The following ME3 variants were observed in gnomAD, a reference collection of about 807,000 sequenced individuals.
ME3 encodes the protein NADP-dependent malic enzyme, mitochondrial.
ME3 carries 48 observed loss-of-function variants against 68.9 expected under a neutral mutation model. The ratio of observed to expected loss-of-function variants is 0.70; its 90% CI spans 0.55 to 0.89. ME3 has a LOEUF of 0.89. Ranked by LOEUF, ME3 falls within the 40% of genes least tolerant of loss-of-function variation. ME3 has a pLI of 0.00. For synonymous variants in ME3, 320 were observed against 318.8 expected (o/e 1.00, Z -0.04); for missense variants, 675 against 797.4 (o/e 0.85, Z 1.85).
chr11:86,621,290 A>C (rs1943332606), intron 2 of ME3, among the ~76,000 whole-genome samples: 1 of 152,248 alleles, frequency 6.6e-6, no homozygotes, highest in African/African-American at 2.4e-5. Flanking sequence ...GCCTAAGGCC[A>C]GTAAGAAAAC....
At chr11:86,576,455 C>T (rs1465828051) in intron 2 of ME3, among the ~76,000 whole-genome samples, 2 of 152,174 alleles carry the variant, frequency 1.3e-5, no homozygotes, top group Non-Finnish European at 2.9e-5. Flanking sequence ...TTCTATTCAC[C>T]CTTCCCTCCT....
chr11:86,468,083 G>A (rs1241625804), intron 7 of ME3, among the ~76,000 whole-genome samples: 1 of 152,008 alleles, frequency 6.6e-6, no homozygotes, highest in African/African-American at 2.4e-5. Context: ...ATTTCACACT[G>A]TCCCATCTCA....
chr11:86,589,864 C>T (rs1958959529), intron 2 of ME3, among the ~76,000 whole-genome samples: 2 of 152,224 alleles, frequency 1.3e-5, no homozygotes, highest in Non-Finnish European at 2.9e-5. Context: ...AGAGCTCCAA[C>T]AGCCAAGCTG....
intron 4 of ME3, among the ~76,000 whole-genome samples, chr11:86,551,186 A>T (rs1467832731): frequency 6.6e-6 from 1 of 152,162 alleles, no homozygotes; most frequent in East Asian, 1.9e-4. Flanking sequence ...CTTTAAGCTT[A>T]TGAGGAAGTT....
Position 86,633,052 on chromosome 11 carries a change from G to C in ME3, c.183+38710C>G, listed in dbSNP as rs551015195. Among the ~76,000 whole-genome samples, 5 of 152,330 alleles carry C rather than the reference G, an allele frequency of 3.3e-5. No homozygotes were observed. The East Asian group carries it at 9.7e-4, about 29-fold the overall frequency. On this transcript the variant is annotated intron_variant, in intron 2 of 14. Transcript: ENST00000543262. ...TTGAGGGTTCCCACAGAAAACTGCT[G>C]TGAGTCCGATATGCATGTCAGTAAT...
chr11:86,643,149 T>C (rs750976091), intron 2 of ME3, among the ~76,000 whole-genome samples: 4 of 152,180 alleles, frequency 2.6e-5, no homozygotes, highest in African/African-American at 2.4e-5. Context: ...ATTTCCCTCA[T>C]AGGGAATAAA....
At chr11:86,447,732 C>T (rs757906100) in intron 11 of ME3, among the ~76,000 whole-genome samples, 1 of 151,888 alleles carries the variant, frequency 6.6e-6, no homozygotes, top group Non-Finnish European at 1.5e-5. Context: ...GTGGCGGGCA[C>T]CTATAATGCC....
At chr11:86,541,985 C>G (rs1956074908) in intron 4 of ME3, among the ~76,000 whole-genome samples, 1 of 152,178 alleles carries the variant, frequency 6.6e-6, no homozygotes, top group Non-Finnish European at 1.5e-5. Flanking sequence ...TGGTCTGCAG[C>G]CTCCGCTGGT....
intron 4 of ME3, among the ~76,000 whole-genome samples, chr11:86,517,890 C>T (rs1398310916): frequency 1.3e-5 from 2 of 151,984 alleles, no homozygotes; most frequent in African/African-American, 4.8e-5. Flanking sequence ...TGGAAGGAGG[C>T]AGAGCTGGGC....
At chr11:86,616,166 A>G (rs1388789692) in intron 2 of ME3, among the ~76,000 whole-genome samples, 1 of 152,238 alleles carries the variant, frequency 6.6e-6, no homozygotes, top group Non-Finnish European at 1.5e-5. Flanking sequence ...TTTGTGTAAT[A>G]CACCGTGATA....
At chr11:86,589,177 G>A (rs921384008) in intron 2 of ME3, among the ~76,000 whole-genome samples, 1 of 152,104 alleles carries the variant, frequency 6.6e-6, no homozygotes, top group African/African-American at 2.4e-5. Context: ...GCTGCCACCT[G>A]CACAGCCCTA....
intron 14 of ME3, among the ~76,000 whole-genome samples, chr11:86,442,042 T>C (rs1949022056): frequency 1.3e-5 from 2 of 152,212 alleles, no homozygotes; most frequent in East Asian, 1.9e-4. Context: ...TGTTGTACGA[T>C]GCATTTTCTG....
At chr11:86,538,141 C>T (rs1184940177) in intron 4 of ME3, among the ~76,000 whole-genome samples, 1 of 152,138 alleles carries the variant, frequency 6.6e-6, no homozygotes, top group African/African-American at 2.4e-5. Flanking sequence ...TGTTTGCTTT[C>T]TTGTGGTTGT....
chr11:86,439,792 C>T (rs955171876), downstream of ME3, among the ~76,000 whole-genome samples: 1 of 152,142 alleles, frequency 6.6e-6, no homozygotes, highest in Non-Finnish European at 1.5e-5. Context: ...TTCTTTTCTA[C>T]TATATTGATT....
intron 4 of ME3, among the ~76,000 whole-genome samples, chr11:86,509,586 C>T (rs1953362161): frequency 6.6e-6 from 1 of 152,058 alleles, no homozygotes; most frequent in Admixed American, 6.6e-5. Context: ...AACAGGAGGC[C>T]AAAGTCTTAA....
chr11:86,568,991 T>C (rs1369744882), intron 2 of ME3, among the ~76,000 whole-genome samples: 3 of 152,246 alleles, frequency 2.0e-5, no homozygotes, highest in South Asian at 2.1e-4. Flanking sequence ...CTCCCACTTA[T>C]TAAATGAAGT....
intron 2 of ME3, among the ~76,000 whole-genome samples, chr11:86,584,949 C>G (rs937542930): frequency 6.6e-6 from 1 of 152,116 alleles, no homozygotes; most frequent in Non-Finnish European, 1.5e-5. Flanking sequence ...GGCAAATGTT[C>G]TCACCACAGT....
At chr11:86,672,067 AG>A (rs919389680) in intron 1 of ME3, 109 bp from the exon 2 acceptor site, 1 of 897,298 alleles carries the variant, frequency 1.1e-6, no homozygotes, top group Non-Finnish European at 1.5e-6. Flanking sequence ...GGGAGAGGGC[AG>A]GTGCTCCCAA....
rs5793205 is a variant in ME3, at chr11:86,637,967, T to TACACACACACACACACACACAC, written c.183+33773_183+33794dup. On this transcript the variant is annotated intron_variant, in intron 2 of 14. Transcript: ENST00000543262. ...ATATATGTGCAGACATGCTCATGCATACACACACACACACACACACACACA... is the reference window on the plus strand; with the variant it reads ...ATATATGTGCAGACATGCTCATGCATACACACACACACACACACACACACACACACACACACACACACACACA... Among the ~76,000 whole-genome samples, 54 of 145,158 alleles carry TACACACACACACACACACACAC rather than the reference T, an allele frequency of 3.7e-4. 1 individual carries two copies. The highest frequency in any genetic ancestry group is 1.4e-3 in the African/African-American group (54 of 38,446).
Sources: gnomAD v4.1 joint callset for allele counts (sites outside exome capture counted in the v4.1 genomes callset) on GRCh38, gnomAD v4.1.1 for gene constraint, MANE v1.5 for transcripts, NCBI Gene and HGNC (gene_info 2026-07-23, HGNC 2026-07-21) for gene names.